Variants in ZNF14 observed in about 807,000 individuals in gnomAD.
ZNF14 encodes zinc finger protein 14.
Under a neutral mutation model 11.3 loss-of-function variants are expected in ZNF14, and 9 were observed. The observed-to-expected ratio is 0.80, with a 90% CI of 0.48 to 1.39. ZNF14 has a LOEUF of 1.39. ZNF14 is among the 40% of genes most tolerant of loss of function. The probability of loss-of-function intolerance (pLI) is 0.00; values close to 1 mark genes in which losing one functional copy is unlikely to be tolerated. For synonymous variants in ZNF14, 239 were observed against 245.7 expected (o/e 0.97, Z 0.25); for missense variants, 711 against 763.9 (o/e 0.93, Z 0.82).
chr19:19,712,878 C>T lies in ZNF14; in HGVS notation c.403G>A (p.Glu135Lys). ...CATTTACATGGTTGCTTTTCATATTCCTGATACTCATTTGGTTTCTGTCCA... is the reference window on the plus strand; with the variant it reads ...CATTTACATGGTTGCTTTTCATATTTCTGATACTCATTTGGTTTCTGTCCA... ...HTGQKPNEYQ[E>K]YEKQPCKCKA... Residue 135 changes from glutamate (E) to lysine (K), a missense_variant, in exon 4 of 4, where the codon GAA becomes AAA. Coordinates refer to ENST00000344099, the MANE Select transcript of ZNF14 (RefSeq NM_021030.3). The T allele has an allele frequency of 6.2e-7, 1 of 1,614,112 alleles. No individual in the cohort carries two copies. Among genetic ancestry groups the T allele is most frequent in the Non-Finnish European group, 8.5e-7 (1 of 1,180,014 alleles).
chr19:19,714,613 G>T, intron 1 of ZNF14, 126 bp from the exon 2 acceptor site: 1 of 1,096,424 alleles, frequency 9.1e-7, no homozygotes. Flanking sequence ...TGACTCAGCT[G>T]TCAGAACTAC....
chr19:19,730,327 C>T (rs957695768), intron 1 of ZNF14, among the ~76,000 whole-genome samples: 5 of 151,958 alleles, frequency 3.3e-5, no homozygotes, highest in South Asian at 2.1e-4. Context: ...GTGCCCAGCC[C>T]GCAGTTTTAT....
At chr19:19,713,115 T>C in intron 3 of ZNF14, 26 bp from the exon 4 acceptor site, 1 of 1,527,292 alleles carries the variant, frequency 6.5e-7, no homozygotes, top group East Asian at 2.3e-5. Flanking sequence ...AGCACATTAT[T>C]AGTGGCTTTT....
chr19:19,713,119 G>T (rs773844095), intron 3 of ZNF14, 30 bp from the exon 4 acceptor site: 2 of 1,518,350 alleles, frequency 1.3e-6, no homozygotes, highest in South Asian at 1.3e-5. Context: ...CATTATTAGT[G>T]GCTTTTTAAT....
At position 19,714,414 on chromosome 19, in the gene ZNF14, T is replaced by C. The variant is rs762044137; in HGVS notation, c.77A>G (p.Lys26Arg). 6.2e-7 allele frequency: 1 copy of C among 1,614,152 alleles called. No individual in the cohort carries two copies. The highest frequency in any genetic ancestry group is 1.7e-5 in the Admixed American group (1 of 60,004). ...EEWALLDSSQ[K>R]KLYEDVMQET... ...CTGCATCACATCTTCATAGAGCTTT[T>C]TCTGTGAAGAATCCAGCAAAGCCCA... Residue 26 changes from lysine to arginine, a missense_variant, in exon 2 of 4, where the codon AAA becomes AGA. Transcript: ENST00000344099.
rs1568448401 is a variant in ZNF14, at chr19:19,712,791, T to C, written c.490A>G (p.Thr164Ala). ...TTACATTCATAGGGCTTCACTCCAG[T>C]GTGAGTTCTTTCATGTTTGCGAAAG... is the stretch of plus-strand genomic sequence containing the variant. The part of the protein sequence containing the change: ...HCFRKHERTH[T>A]GVKPYECKQC... Residue 164 changes from threonine (T) to alanine (A), a missense_variant, in exon 4 of 4, where the codon ACT becomes GCT. By Grantham distance (58) the Thr-to-Ala change is moderately conservative (BLOSUM62 0). Coordinates refer to ENST00000344099, the MANE Select transcript of ZNF14 (RefSeq NM_021030.3). 2 of 1,614,190 alleles carry C rather than the reference T, an allele frequency of 1.2e-6. No homozygotes were observed. The highest frequency in any genetic ancestry group is 2.2e-5 in the South Asian group (2 of 91,070).
rs2062391129 is a variant in ZNF14 at position 19,720,788 on chromosome 19, C to T, written c.4-6301G>A. Among the ~76,000 whole-genome samples, 1 of 152,158 alleles carries T rather than the reference C, an allele frequency of 6.6e-6. No individual in the cohort carries two copies. Among genetic ancestry groups the T allele is most frequent in the African/African-American group, 2.4e-5 (1 of 41,430 alleles). ...GATACACAATGGAATTTCCACCTAC[C>T]CTATAATCCCACAGCAGCAAGATGT... On this transcript the variant is annotated intron_variant, in intron 1 of 3. Coordinates refer to ENST00000344099, the MANE Select transcript of ZNF14 (RefSeq NM_021030.3). The surrounding 1 kb of genome is among the most constrained non-coding windows in gnomAD (Gnocchi z 4.1).
chr19:19,732,647 C>G (rs529741780), intron 1 of ZNF14, among the ~76,000 whole-genome samples: 1 of 152,380 alleles, frequency 6.6e-6, no homozygotes, highest in South Asian at 2.1e-4. Context: ...CCCCACAGAC[C>G]GAGATGGGAT....
chr19:19,716,004 G>T (rs2062376857), intron 1 of ZNF14, among the ~76,000 whole-genome samples: 1 of 152,098 alleles, frequency 6.6e-6, no homozygotes, highest in African/African-American at 2.4e-5. Context: ...TTAGAGCTCA[G>T]GCCTGAGGAG....
In ZNF14 at chr19:19,713,084, T is replaced by C. The variant is rs775359931; in HGVS notation, c.197A>G (p.His66Arg). 6.4e-7 allele frequency: 1 copy of C among 1,568,512 alleles called. No homozygotes were observed. Among genetic ancestry groups the C allele is most frequent in the South Asian group, 1.2e-5 (1 of 84,156 alleles). ...HRNQGKNRRC[H>R]MVERLCESRR... ...ACTTTCACAGAGTCTCTCAACCATATGACATCTGTAAAAAATGAATAGCAC... is the reference window on the plus strand; with the variant it reads ...ACTTTCACAGAGTCTCTCAACCATACGACATCTGTAAAAAATGAATAGCAC... The change falls in exon 4 of 4, where the codon CAT becomes CGT. Residue 66 changes from histidine (H) to arginine (R), a missense_variant. Transcript: ENST00000344099.
At chr19:19,722,631 G>C (rs1378083915) in intron 1 of ZNF14, among the ~76,000 whole-genome samples, 1 of 152,170 alleles carries the variant, frequency 6.6e-6, no homozygotes, top group East Asian at 1.9e-4. Context: ...TAGCTTGATG[G>C]GGATGGCATT....
Position 19,711,665 on chromosome 19 carries a change from G to A in ZNF14, c.1616C>T (p.Ala539Val). 6.2e-7 allele frequency: 1 copy of A among 1,614,016 alleles called. No homozygotes were observed. The highest frequency in any genetic ancestry group is 8.5e-7 in the Non-Finnish European group (1 of 1,180,026). ...TCGAATTTGACTGGAACGAAGGAAGGCCTTACCACATTGCTTACACTCAAA... is the reference window on the plus strand; with the variant it reads ...TCGAATTTGACTGGAACGAAGGAAGACCTTACCACATTGCTTACACTCAAA... Reference protein sequence around the residue: ...KPFECKQCGKAFLRSSQIRLH... With the variant: ...KPFECKQCGKVFLRSSQIRLH... The change falls in exon 4 of 4, where the codon GCC (alanine) becomes GTC (valine). Residue 539 changes from alanine to valine, a missense_variant. Transcript: ENST00000344099.
intron 1 of ZNF14, among the ~76,000 whole-genome samples, chr19:19,730,589 T>C (rs1480535178): frequency 6.6e-6 from 1 of 152,212 alleles, no homozygotes; most frequent in Non-Finnish European, 1.5e-5. Flanking sequence ...GCGAAGTACT[T>C]ATACTAACTC....
intron 1 of ZNF14, among the ~76,000 whole-genome samples, chr19:19,729,876 A>G (rs1412371060): frequency 2.0e-5 from 3 of 152,298 alleles, no homozygotes; most frequent in Admixed American, 1.3e-4. Context: ...TTTTCAATAT[A>G]ATTTACTAAA....
At chr19:19,729,699 G>A (rs1248323378) in intron 1 of ZNF14, among the ~76,000 whole-genome samples, 4 of 151,714 alleles carry the variant, frequency 2.6e-5, no homozygotes, top group South Asian at 4.2e-4. Flanking sequence ...TGTTTTCAAG[G>A]GTACCAATTA....
At chr19:19,714,197 T>C (rs757252510) in intron 2 of ZNF14, 46 bp from the exon 3 acceptor site, 33 of 1,599,468 alleles carry the variant, frequency 2.1e-5, no homozygotes, top group South Asian at 3.4e-5. Flanking sequence ...TTAGAAATTA[T>C]AGAAAATTGT....
intron 1 of ZNF14, among the ~76,000 whole-genome samples, chr19:19,724,582 T>C (rs2062401657): frequency 7.5e-6 from 1 of 133,708 alleles, no homozygotes; most frequent in Non-Finnish European, 1.7e-5. Context: ...GAGAGTTCTG[T>C]AGATGTCTAT....
At position 19,713,512 on chromosome 19, in the gene ZNF14, G is replaced by A. The variant is rs146808602; in HGVS notation, c.192-423C>T. The stretch of plus-strand genomic sequence containing the variant: ...TGCCCAGGCTGGAGTACAGTGGCAC[G>A]ATCTAGGCTCACTGCAGCTTCTGCC... On this transcript the variant is annotated intron_variant, in intron 3 of 3. Coordinates refer to ENST00000344099, the MANE Select transcript of ZNF14 (RefSeq NM_021030.3). Among the ~76,000 whole-genome samples, 1,123 of 151,756 alleles carry A rather than the reference G, an allele frequency of 7.4e-3. 16 individuals carry two copies. The highest frequency in any genetic ancestry group is 0.026 in the African/African-American group (1,065 of 41,342).
Position 19,726,901 on chromosome 19 carries a change from T to A in ZNF14, c.3+6055A>T, listed in dbSNP as rs1384746376. Among the ~76,000 whole-genome samples the A allele has an allele frequency of 2.2e-5, 3 of 133,858 alleles. 1 individual carries two copies. The highest frequency in any genetic ancestry group is 5.0e-5 in the Non-Finnish European group (3 of 60,104). 87.8% of individuals were successfully genotyped at this position (133,858 alleles called of 152,430 possible). On this transcript the variant is annotated intron_variant, in intron 1 of 3. Transcript: ENST00000344099. Reference sequence around the variant, plus strand: ...CCTCCGAGCCAGGCATGGGATATAATCTCCTGGTGTGTCATTTGCTAAGAC... The same window carrying A: ...CCTCCGAGCCAGGCATGGGATATAAACTCCTGGTGTGTCATTTGCTAAGAC...
Sources: gnomAD v4.1 joint callset for allele counts (sites outside exome capture counted in the v4.1 genomes callset) on GRCh38, gnomAD v4.1.1 for gene constraint, Gnocchi (gnomAD v3.1) non-coding constraint, MANE v1.5 for transcripts, NCBI Gene and HGNC (gene_info 2026-07-23, HGNC 2026-07-21) for gene names.